Variants in ADPGK observed in about 807,000 individuals in gnomAD.
ADPGK encodes ADP-dependent glucokinase.
A neutral mutation model predicts 42.4 loss-of-function variants in ADPGK; 26 were observed. The ratio of observed to expected loss-of-function variants is 0.61; its 90% CI spans 0.45 to 0.85. The LOEUF is 0.85. Ranked by LOEUF, ADPGK falls within the 40% of genes least tolerant of loss-of-function variation. ADPGK has a pLI of 0.00. For synonymous variants in ADPGK, 267 were observed against 252.6 expected, an observed-to-expected ratio of 1.06 and a Z score of -0.54; for missense variants, 571 against 627.0, an observed-to-expected ratio of 0.91 and a Z score of 0.95.
At chr15:72,778,543 A>G (rs963617368) in intron 1 of ADPGK, among the ~76,000 whole-genome samples, 2 of 152,100 alleles carry the variant, frequency 1.3e-5, no homozygotes, top group Non-Finnish European at 2.9e-5. Flanking sequence ...TTTGGAGAAA[A>G]CACAGATGAA....
rs544216726 is a variant in ADPGK, at chr15:72,760,190, A to G, written c.643+217T>C. 7 of 359,468 alleles carry G rather than the reference A, an allele frequency of 1.9e-5. No homozygotes were observed. The East Asian group carries it at 3.6e-4, about 18-fold the overall frequency. The allele number at this position is 359,468 out of a possible 1,614,324, so 22.3% of individuals were successfully genotyped here. A position where few individuals can be genotyped will look rare whatever the true frequency, so the allele number is the denominator to read the frequency against. On this transcript the variant is annotated intron_variant, in intron 4 of 6. Coordinates refer to ENST00000456471, the MANE Select transcript of ADPGK (RefSeq NM_001365225.1). ...TTGGGTTCGGAGCAATTCTGCTTGT[A>G]GACCTGGGAATTTTCTTCCATGTTA...
Position 72,752,372 on chromosome 15 carries a change from A to G in ADPGK, c.1463T>C (p.Leu488Pro). The G allele has an allele frequency of 1.9e-6, 3 of 1,614,136 alleles. No individual in the cohort carries two copies. The highest frequency in any genetic ancestry group is 2.5e-6 in the Non-Finnish European group (3 of 1,179,956). Residue 488 changes from leucine (L) to proline (P), a missense_variant, in exon 7 of 7, where the codon CTC becomes CCC. Physicochemically the swap from Leu to Pro is moderately conservative, Grantham distance 98. Around this residue, in one of 2 missense-constraint regions of ADPGK, gnomAD observed 434 missense variants for 522.7 expected, o/e 0.83. Coordinates refer to ENST00000456471, the MANE Select transcript of ADPGK (RefSeq NM_001365225.1). ...GLGDAISAEGLFYSEVHPHY is the reference protein window; with the variant it reads ...GLGDAISAEGPFYSEVHPHY ...GTGAGGGTGTACTTCCGAATAGAAG[A>G]GTCCTTCGGCTGAAATGGCATCTCC...
chr15:72,755,885 CA>C, intron 5 of ADPGK: 1 of 655,052 alleles, frequency 1.5e-6, no homozygotes, highest in Non-Finnish European at 2.8e-6. Context: ...TCAGAGATGG[CA>C]GTTCACTTCG....
chr15:72,761,553 G>A (rs2066193178), intron 3 of ADPGK, among the ~76,000 whole-genome samples: 1 of 152,036 alleles, frequency 6.6e-6, no homozygotes, highest in Non-Finnish European at 1.5e-5. Context: ...AAGCCATTTC[G>A]TATCTGTTCC....
Position 72,774,312 on chromosome 15 carries a change from G to C in ADPGK, c.459+560C>G, listed in dbSNP as rs115969688. ...AAGAATGGGGTGGGGGCAAGACATG[G>C]GAGATAACCAACCAACCAAAACTCA... On this transcript the variant is annotated intron_variant, in intron 2 of 6. Transcript: ENST00000456471. Among the ~76,000 whole-genome samples the C allele has an allele frequency of 8.5e-4, 130 of 152,258 alleles. 1 individual carries two copies. The highest frequency in any genetic ancestry group is 3.0e-3 in the African/African-American group (125 of 41,550).
intron 3 of ADPGK, among the ~76,000 whole-genome samples, chr15:72,761,919 T>C (rs1250990462): frequency 6.6e-6 from 1 of 152,154 alleles, no homozygotes; most frequent in Non-Finnish European, 1.5e-5. Flanking sequence ...GTCACCAGGC[T>C]GGAGTGCAGT....
chr15:72,753,467 G>A (rs916396090), intron 6 of ADPGK, among the ~76,000 whole-genome samples: 2 of 152,196 alleles, frequency 1.3e-5, no homozygotes, highest in South Asian at 4.1e-4. Flanking sequence ...ACAGGTGCCC[G>A]TGTTTTCTGT....
chr15:72,775,596 ATG>A (rs975930111), intron 1 of ADPGK, among the ~76,000 whole-genome samples: 1 of 152,216 alleles, frequency 6.6e-6, no homozygotes, highest in African/African-American at 2.4e-5. Context: ...TAAGCAAAAT[ATG>A]TGTTTCAGTC....
At chr15:72,754,163 G>A (rs555256804) in intron 6 of ADPGK, among the ~76,000 whole-genome samples, 1 of 151,748 alleles carries the variant, frequency 6.6e-6, no homozygotes, top group East Asian at 1.9e-4. Context: ...AACTTCAGAT[G>A]GAAAACAGAG....
In ADPGK at chr15:72,752,051, G is replaced by C. The variant is rs539782749; in HGVS notation, c.*290C>G. On this transcript the variant is annotated 3_prime_UTR_variant, in exon 7 of 7. Transcript: ENST00000456471. ...CTTTTCTCCAGCTGACATGCTCTCA[G>C]GGGTGAAGAAGTTTAGCTTAAAATA... The C allele has an allele frequency of 5.3e-5, 20 of 375,696 alleles. No individual in the cohort carries two copies. The East Asian group carries it at 1.0e-3, about 20-fold the overall frequency. The allele number at this position is 375,696 out of a possible 1,614,324, so 23.3% of individuals were successfully genotyped here. A position where few individuals can be genotyped will look rare whatever the true frequency, so the allele number is the denominator to read the frequency against.
At chr15:72,757,469 A>C (rs2066132176) in intron 4 of ADPGK, 1 of 152,422 alleles carries the variant, frequency 6.6e-6, no homozygotes, top group Non-Finnish European at 1.5e-5. Context: ...AGCCTCCCAA[A>C]GTGCTGGGAT....
chr15:72,766,714 G>A (rs2066265479), intron 3 of ADPGK, among the ~76,000 whole-genome samples: 1 of 152,150 alleles, frequency 6.6e-6, no homozygotes, highest in South Asian at 2.1e-4. Context: ...TATCTCTGAG[G>A]TATGCCTGTT....
intron 4 of ADPGK, 62 bp downstream of exon 4, chr15:72,760,345 C>T: frequency 1.0e-5 from 15 of 1,496,496 alleles, no homozygotes; most frequent in Non-Finnish European, 1.3e-5. Context: ...CAGTCACACC[C>T]CAATCTGACA....
chr15:72,771,829 T>A lies in ADPGK; in HGVS notation c.476A>T (p.Asn159Ile). The change falls in exon 3 of 7, where the codon AAT becomes ATT. Residue 159 changes from asparagine (N) to isoleucine (I), a missense_variant. Asn to Ile is a moderately radical substitution (Grantham distance 149). Around this residue, in one of 2 missense-constraint regions of ADPGK, gnomAD observed 434 missense variants for 522.7 expected, o/e 0.83. Transcript: ENST00000456471. ...FPGAQHYVGGNAALIGQKFAA... is the reference protein window; with the variant it reads ...FPGAQHYVGGIAALIGQKFAA... ...AAATTTCTGTCCAATTAAAGCTGCA[T>A]TTCCTCCTACATAGTGCTGTAAGAG... 6.2e-7 allele frequency: 1 copy of A among 1,613,350 alleles called. No individual in the cohort carries two copies. The highest frequency in any genetic ancestry group is 8.5e-7 in the Non-Finnish European group (1 of 1,179,572).
At position 72,752,228 on chromosome 15, in the gene ADPGK, G is replaced by C; in HGVS notation, c.*113C>G. On this transcript the variant is annotated 3_prime_UTR_variant, in exon 7 of 7. Coordinates refer to ENST00000456471, the MANE Select transcript of ADPGK (RefSeq NM_001365225.1). ...GTTGCCAACAGGCTGGAATGTACCTGATACAGTTTAATCTGCTTTTATTTC... is the reference window on the plus strand; with the variant it reads ...GTTGCCAACAGGCTGGAATGTACCTCATACAGTTTAATCTGCTTTTATTTC... The C allele has an allele frequency of 9.4e-7, 1 of 1,066,584 alleles. No homozygotes were observed. The highest frequency in any genetic ancestry group is 1.3e-6 in the Non-Finnish European group (1 of 757,790). The allele number at this position is 1,066,584 out of a possible 1,614,324, so 66.1% of individuals were successfully genotyped here.
intron 4 of ADPGK, among the ~76,000 whole-genome samples, chr15:72,759,670 G>A (rs2066167589): frequency 6.6e-6 from 1 of 152,020 alleles, no homozygotes; most frequent in South Asian, 2.1e-4. Flanking sequence ...AGATGCTTGA[G>A]TCTTTAATGT....
intron 6 of ADPGK, among the ~76,000 whole-genome samples, chr15:72,754,120 G>A (rs566092681): frequency 4.7e-5 from 7 of 149,278 alleles, no homozygotes; most frequent in African/African-American, 9.9e-5. Flanking sequence ...CAAAACCAAC[G>A]ACAGTCAGCC....
intron 3 of ADPGK, among the ~76,000 whole-genome samples, chr15:72,762,826 A>G (rs1006489187): frequency 1.3e-5 from 2 of 152,116 alleles, no homozygotes; most frequent in Non-Finnish European, 2.9e-5. Flanking sequence ...TACCAAAAAT[A>G]CAAAAAATTT....
intron 2 of ADPGK, among the ~76,000 whole-genome samples, chr15:72,772,338 C>T (rs2066338961): frequency 6.6e-6 from 1 of 152,228 alleles, no homozygotes; most frequent in South Asian, 2.1e-4. Context: ...CTGCTTACAG[C>T]TCTCCAAGTC....
Sources: gnomAD v4.1 joint callset for allele counts (sites outside exome capture counted in the v4.1 genomes callset) on GRCh38, gnomAD v4.1.1 for gene constraint, gnomAD v4.1.1 regional missense constraint, MANE v1.5 for transcripts, NCBI Gene and HGNC (gene_info 2026-07-23, HGNC 2026-07-21) for gene names.